SCFD2: variants seen among roughly 807,000 people sequenced by gnomAD.
SCFD2 encodes the protein sec1 family domain-containing protein 2.
In SCFD2, 54 loss-of-function variants were observed where a neutral mutation model predicts 58.9. The observed-to-expected ratio is 0.92, with a 90% confidence interval of 0.74 to 1.15. The LOEUF (loss-of-function observed/expected upper bound fraction) is 1.15, where lower values mean the gene tolerates loss of function less well. SCFD2 is among the 50% of genes most tolerant of loss of function. The pLI, the probability that SCFD2 is intolerant of heterozygous loss-of-function variation, is 0.00. For missense variants in SCFD2, 805 were observed against 836.6 expected, an observed-to-expected ratio of 0.96 and a Z score of 0.47; for synonymous variants, 321 against 335.9, an observed-to-expected ratio of 0.96 and a Z score of 0.49.
At chr4:53,271,612 G>A (rs199523996) in intron 4 of SCFD2, among the ~76,000 whole-genome samples, 22 of 151,920 alleles carry the variant, frequency 1.4e-4, no homozygotes, top group South Asian at 4.2e-4. Flanking sequence ...ACAGAGGACC[G>A]CCACCACACC....
chr4:52,907,672 C>A, intron 6 of SCFD2, 81 bp from the exon 7 acceptor site: 1 of 1,369,658 alleles, frequency 7.3e-7, no homozygotes. Context: ...ATGAAGAAAG[C>A]AAAGCAAGTT....
At chr4:52,981,315 T>G (rs141900671) in intron 5 of SCFD2, among the ~76,000 whole-genome samples, 1 of 152,322 alleles carries the variant, frequency 6.6e-6, no homozygotes, top group East Asian at 1.9e-4. Flanking sequence ...CTAAGAAAGA[T>G]GAAGTCTCCT....
intron 5 of SCFD2, among the ~76,000 whole-genome samples, chr4:53,011,768 A>G (rs1722098370): frequency 6.6e-6 from 1 of 152,232 alleles, no homozygotes; most frequent in African/African-American, 2.4e-5. Flanking sequence ...TATCTGGGTT[A>G]CAAGTTTGGT....
intron 2 of SCFD2, among the ~76,000 whole-genome samples, chr4:53,350,711 A>G (rs1185753374): frequency 7.9e-5 from 12 of 152,234 alleles, no homozygotes; most frequent in Non-Finnish European, 1.8e-4. Flanking sequence ...CAAAAGTCAA[A>G]CTTTTTCTTT....
intron 3 of SCFD2, among the ~76,000 whole-genome samples, chr4:53,293,853 T>C (rs1731928379): frequency 1.3e-5 from 2 of 152,076 alleles, no homozygotes; most frequent in Admixed American, 1.3e-4. Flanking sequence ...TCTACATTAG[T>C]ATTTCTCCTA....
chr4:53,341,663 A>C (rs1733879335), intron 2 of SCFD2, among the ~76,000 whole-genome samples: 1 of 152,176 alleles, frequency 6.6e-6, no homozygotes, highest in South Asian at 2.1e-4. Context: ...TGTCAGATTC[A>C]CCAAAGTTGA....
At chr4:53,236,894 T>G (rs186409018) in intron 4 of SCFD2, among the ~76,000 whole-genome samples, 2,748 of 151,712 alleles carry the variant, frequency 0.018, 87 homozygotes, top group African/African-American at 0.063. Flanking sequence ...CAGAGGGGGA[T>G]TTGGCAGGGT....
chr4:53,352,566 AAAGAT>A (rs1381403878), intron 2 of SCFD2, 27 bp downstream of exon 2: 5 of 1,551,742 alleles, frequency 3.2e-6, no homozygotes, highest in Non-Finnish European at 3.5e-6. Flanking sequence ...GAAGACAGAG[AAAGAT>A]AAGATGACAA....
chr4:53,247,373 G>C (rs1375363902), intron 4 of SCFD2, among the ~76,000 whole-genome samples: 3 of 152,090 alleles, frequency 2.0e-5, no homozygotes, highest in Non-Finnish European at 4.4e-5. Context: ...ATTCGACCTA[G>C]GAATCCCATT....
intron 8 of SCFD2, among the ~76,000 whole-genome samples, chr4:52,883,363 A>G (rs1718664411): frequency 6.6e-6 from 1 of 152,228 alleles, no homozygotes; most frequent in Non-Finnish European, 1.5e-5. Flanking sequence ...TTCATGATAA[A>G]GAATGCCTTT....
chr4:53,326,063 T>C (rs1289248510), intron 2 of SCFD2, among the ~76,000 whole-genome samples: 5 of 152,226 alleles, frequency 3.3e-5, no homozygotes, highest in East Asian at 1.9e-4. Flanking sequence ...CAAGAAAACA[T>C]ACTATCTTTT....
At chr4:53,345,453 G>T (rs1197405153) in intron 2 of SCFD2, among the ~76,000 whole-genome samples, 2 of 152,190 alleles carry the variant, frequency 1.3e-5, no homozygotes, top group African/African-American at 2.4e-5. Context: ...AACAATAGCT[G>T]CTGGAGAGGA....
At chr4:52,956,461 C>T (rs1331050430) in intron 5 of SCFD2, 2 of 354,350 alleles carry the variant, frequency 5.6e-6, no homozygotes, top group African/African-American at 4.3e-5. Flanking sequence ...CCACCAGGGT[C>T]CTGGGACAGT....
intron 5 of SCFD2, among the ~76,000 whole-genome samples, chr4:53,008,333 C>T (rs7689426): frequency 0.86 from 131,257 of 152,092 alleles, 56,811 homozygotes; most frequent in Middle Eastern, 0.95. Flanking sequence ...AATGACACCC[C>T]CCCTTCCCCT....
At chr4:52,890,477 G>T (rs116674427) in intron 7 of SCFD2, among the ~76,000 whole-genome samples, 2 of 152,136 alleles carry the variant, frequency 1.3e-5, no homozygotes, top group African/African-American at 4.8e-5. Context: ...CAGACTGTTG[G>T]GAAGTGGAGT....
intron 5 of SCFD2, among the ~76,000 whole-genome samples, chr4:53,003,794 C>A (rs2148802229): frequency 6.6e-6 from 1 of 152,270 alleles, no homozygotes; most frequent in Non-Finnish European, 1.5e-5. Context: ...CTAAGGAGGA[C>A]AGTAGAAAAG....
In SCFD2 at chr4:53,278,813, AT is replaced by A. The variant is rs374702088; in HGVS notation, c.1136-4813del. ...CGTTAGGTATAAATCACGACAGCAG[AT>A]TTTTTTTTCCTAAAAATCCCTAAGA... On this transcript the variant is annotated intron_variant, in intron 3 of 8. Transcript: ENST00000401642. Among the ~76,000 whole-genome samples, 973 of 149,494 alleles carry A rather than the reference AT, an allele frequency of 6.5e-3. 13 individuals are homozygous for A. Among genetic ancestry groups the A allele is most frequent in the African/African-American group, 0.023 (918 of 40,786 alleles).
intron 5 of SCFD2, among the ~76,000 whole-genome samples, chr4:53,014,465 C>T (rs1192612969): frequency 1.3e-5 from 2 of 152,156 alleles, no homozygotes; most frequent in Non-Finnish European, 2.9e-5. Flanking sequence ...GTTATTCTTC[C>T]CTGTCATCCA....
chr4:53,183,559 G>A (rs1427673252), intron 4 of SCFD2, among the ~76,000 whole-genome samples: 8 of 151,952 alleles, frequency 5.3e-5, no homozygotes, highest in East Asian at 3.9e-4. Context: ...ACTAAATGGC[G>A]AGTTAATGGG....
Sources: gnomAD v4.1 joint callset for allele counts (sites outside exome capture counted in the v4.1 genomes callset) on GRCh38, gnomAD v4.1.1 for gene constraint, MANE v1.5 for transcripts, NCBI Gene and HGNC (gene_info 2026-07-23, HGNC 2026-07-21) for gene names.